Variants in ZFAND6 observed in about 807,000 individuals in gnomAD.
ZFAND6 encodes zinc finger AN1-type containing 6.
A neutral mutation model predicts 24.5 loss-of-function variants in ZFAND6; 12 were observed. The observed-to-expected ratio is 0.49, with a 90% CI of 0.31 to 0.79. The LOEUF is 0.79. Among genes scored for constraint, ZFAND6 ranks in the 30% least tolerant of loss-of-function variants. ZFAND6 has a pLI of 0.04. For synonymous variants in ZFAND6, 92 were observed against 81.5 expected, an observed-to-expected ratio of 1.13 and a Z score of -0.69; for missense variants, 207 against 245.9, an observed-to-expected ratio of 0.84 and a Z score of 1.06.
chr15:80,128,245 G>A (rs1183696957), intron 5 of ZFAND6, among the ~76,000 whole-genome samples: 1 of 152,096 alleles, frequency 6.6e-6, no homozygotes, highest in African/African-American at 2.4e-5. Flanking sequence ...AGTAGATAGT[G>A]GTAATAGTTT....
chr15:80,119,538 A>G (rs12591782), intron 2 of ZFAND6, among the ~76,000 whole-genome samples: 5,181 of 152,112 alleles, frequency 0.034, 276 homozygotes, highest in East Asian at 0.22. Context: ...ATTCTAAAAT[A>G]TTTTTAATGA....
At chr15:80,069,797 C>A (rs553078215) in intron 1 of ZFAND6, among the ~76,000 whole-genome samples, 1 of 152,034 alleles carries the variant, frequency 6.6e-6, no homozygotes, top group Admixed American at 6.6e-5. Context: ...CTAGTAGAGA[C>A]GGGGTTTCAC....
At chr15:80,083,055 G>A (rs1390338326) in intron 1 of ZFAND6, among the ~76,000 whole-genome samples, 6 of 152,006 alleles carry the variant, frequency 3.9e-5, no homozygotes, top group African/African-American at 9.7e-5. Flanking sequence ...GCAGTGGCGC[G>A]ATCTTGGCTC....
At chr15:80,071,172 T>G (rs1457775276) in intron 1 of ZFAND6, among the ~76,000 whole-genome samples, 2 of 152,260 alleles carry the variant, frequency 1.3e-5, no homozygotes, top group Non-Finnish European at 2.9e-5. Context: ...AGACTTCCCT[T>G]TGTATTCAAA....
chr15:80,128,941 C>T (rs2040482078), intron 5 of ZFAND6, among the ~76,000 whole-genome samples: 1 of 152,134 alleles, frequency 6.6e-6, no homozygotes, highest in African/African-American at 2.4e-5. Context: ...GTAGTTAGAC[C>T]AGTTTTGTTA....
At chr15:80,077,093 C>T (rs2037329075) in intron 1 of ZFAND6, among the ~76,000 whole-genome samples, 1 of 152,154 alleles carries the variant, frequency 6.6e-6, no homozygotes, top group Admixed American at 6.5e-5. Flanking sequence ...AAGCTTGAGA[C>T]CAAGCTGTGT....
chr15:80,065,771 CT>C (rs1190966144), intron 1 of ZFAND6, among the ~76,000 whole-genome samples: 2 of 151,926 alleles, frequency 1.3e-5, no homozygotes, highest in African/African-American at 4.8e-5. Flanking sequence ...TCTCGAACCC[CT>C]GACCTCAGGT....
In ZFAND6 at chr15:80,093,429, A is replaced by T. The variant is rs544507590; in HGVS notation, c.-180-4987A>T. On this transcript the variant is annotated intron_variant, in intron 1 of 6. Transcript: ENST00000261749. Reference sequence around the variant, plus strand: ...ATATTCTTTCAAATAATCGGAAAACATGAAGAAGTGATTCCTGGCTGGGCG... The same window carrying T: ...ATATTCTTTCAAATAATCGGAAAACTTGAAGAAGTGATTCCTGGCTGGGCG... 2.1e-4 allele frequency among the ~76,000 whole-genome samples: 32 copies of T among 152,126 alleles called. 1 individual carries two copies. Among genetic ancestry groups the T allele is most frequent in the African/African-American group, 7.7e-4 (32 of 41,548 alleles).
At chr15:80,063,896 C>T (rs1372471544) in intron 1 of ZFAND6, among the ~76,000 whole-genome samples, 1 of 152,184 alleles carries the variant, frequency 6.6e-6, no homozygotes, top group Non-Finnish European at 1.5e-5. Flanking sequence ...CCATGTTGGC[C>T]AGGCTGGTCT....
chr15:80,105,856 G>C (rs16971752), intron 2 of ZFAND6, among the ~76,000 whole-genome samples: 6 of 152,186 alleles, frequency 3.9e-5, no homozygotes, highest in African/African-American at 1.4e-4. Context: ...AGTTTCTGAA[G>C]TATCTTGCAA....
intron 1 of ZFAND6, among the ~76,000 whole-genome samples, chr15:80,090,094 C>T (rs1016037606): frequency 6.6e-6 from 1 of 152,178 alleles, no homozygotes; most frequent in Non-Finnish European, 1.5e-5. Flanking sequence ...TGTCTGTTTT[C>T]CTGAGTAGCA....
At chr15:80,077,699 T>TTC (rs199989095) in intron 1 of ZFAND6, among the ~76,000 whole-genome samples, 29 of 122,004 alleles carry the variant, frequency 2.4e-4, no homozygotes, top group Middle Eastern at 4.1e-3. Context: ...TTTTCTTTCT[T>TTC]TTTTTTTTTT....
chr15:80,136,123 CAAA>C (rs532411226), intron 6 of ZFAND6, among the ~76,000 whole-genome samples: 15 of 117,850 alleles, frequency 1.3e-4, no homozygotes, highest in East Asian at 2.8e-4. Flanking sequence ...GACCCTGTGT[CAAA>C]AAAAAAAAAA....
intron 5 of ZFAND6, among the ~76,000 whole-genome samples, chr15:80,123,462 C>T (rs2040235242): frequency 6.6e-6 from 1 of 152,120 alleles, no homozygotes; most frequent in East Asian, 1.9e-4. Context: ...AACATGGTAA[C>T]AAGGAAGGAT....
chr15:80,072,235 AAAAT>A (rs1297369115), intron 1 of ZFAND6, among the ~76,000 whole-genome samples: 18 of 152,256 alleles, frequency 1.2e-4, no homozygotes, highest in African/African-American at 4.1e-4. Context: ...TTGCTCCATA[AAAAT>A]AAATGATTTA....
intron 1 of ZFAND6, among the ~76,000 whole-genome samples, chr15:80,089,134 A>T (rs1340828707): frequency 2.0e-5 from 3 of 151,488 alleles, no homozygotes; most frequent in East Asian, 1.9e-4. Context: ...CATAATTGAC[A>T]ACTCCTTCTG....
intron 1 of ZFAND6, among the ~76,000 whole-genome samples, chr15:80,079,281 C>T (rs555798814): frequency 1.8e-4 from 27 of 151,824 alleles, no homozygotes; most frequent in Admixed American, 1.6e-3. Flanking sequence ...AGTGCAGTGG[C>T]GCGATCTCGG....
chr15:80,106,133 C>G (rs1322671252), intron 2 of ZFAND6, among the ~76,000 whole-genome samples: 1 of 152,166 alleles, frequency 6.6e-6, no homozygotes, highest in Non-Finnish European at 1.5e-5. Flanking sequence ...ATAAGTTTAT[C>G]AAGATATCCT....
chr15:80,110,079 C>T (rs984503325), intron 2 of ZFAND6, among the ~76,000 whole-genome samples: 2 of 152,214 alleles, frequency 1.3e-5, no homozygotes, highest in African/African-American at 2.4e-5. Context: ...AAATGGCCCT[C>T]AGCTTCTCCA....
Sources: allele counts gnomAD v4.1 joint callset (sites outside exome capture counted in the v4.1 genomes callset), GRCh38; gene constraint gnomAD v4.1.1; transcripts MANE v1.5; gene names NCBI Gene and HGNC (gene_info 2026-07-23, HGNC 2026-07-21).